LRRC9: variants seen among roughly 807,000 people sequenced by gnomAD.
LRRC9 encodes leucine rich repeat containing 9.
Under a neutral mutation model 63.2 loss-of-function variants are expected in LRRC9, and 122 were observed. The ratio of observed to expected loss-of-function variants is 1.93; its 90% CI spans 1.67 to 2.24. LRRC9 has a LOEUF of 2.24. LRRC9 is among the 30% of genes most tolerant of loss of function. LRRC9 has a pLI of 0.00. For missense variants in LRRC9, 1,071 were observed against 627.7 expected (o/e 1.71, Z -7.55); for synonymous variants, 366 against 213.1 (o/e 1.72, Z -6.25).
At chr14:60,016,018 C>G (rs1890652935) in intron 23 of LRRC9, among the ~76,000 whole-genome samples, 1 of 152,070 alleles carries the variant, frequency 6.6e-6, no homozygotes, top group Non-Finnish European at 1.5e-5. Flanking sequence ...AGAGAGCAGG[C>G]TTTTTGTGGA....
In LRRC9 at chr14:59,936,138, T is replaced by C. The variant is rs192174343; in HGVS notation, c.544-2252T>C. Among the ~76,000 whole-genome samples the C allele has an allele frequency of 2.0e-5, 3 of 152,312 alleles. No homozygotes were observed. In the East Asian group the frequency reaches 5.8e-4, roughly 29 times the overall value. ...CATAGTAAGGACTCAACAGATCCAT[T>C]GTTTTTATTATTTTATTACCATTAC... On this transcript the variant is annotated intron_variant, in intron 6 of 31. Transcript: ENST00000445360. The surrounding 1 kb of genome is among the most constrained non-coding windows in gnomAD (Gnocchi z 4.2).
chr14:59,978,080 A>G (rs1409951656), exon 15 of LRRC9: 2 of 702,234 alleles, frequency 2.8e-6, no homozygotes, highest in African/African-American at 3.5e-5. Flanking sequence ...TTTGTCTTTG[A>G]TCATGACCTT....
Position 60,034,015 on chromosome 14 carries a change from C to CTTT in LRRC9, c.3990+1973_3990+1975dup, listed in dbSNP as rs1157239003. Among the ~76,000 whole-genome samples, 105 of 116,018 alleles carry CTTT rather than the reference C, an allele frequency of 9.1e-4. 1 individual carries two copies. The highest frequency in any genetic ancestry group is 3.0e-3 in the African/African-American group (80 of 26,860). 76.1% of individuals were successfully genotyped at this position (116,018 alleles called of 152,430 possible). On this transcript the variant is annotated intron_variant, in intron 29 of 31. Coordinates refer to ENST00000445360, the Ensembl canonical transcript of LRRC9. ...GGCCTTTTTATGTAATTTTTTCTTTCTTTTTTTTTTTTTTTTTTTTTTTGA... is the reference window on the plus strand; with the variant it reads ...GGCCTTTTTATGTAATTTTTTCTTTCTTTTTTTTTTTTTTTTTTTTTTTTTTGA...
At position 60,060,346 on chromosome 14, in the gene LRRC9, T is replaced by C. The variant is rs1488013625; in HGVS notation, c.4276+2324T>C. Among the ~76,000 whole-genome samples the C allele has an allele frequency of 6.6e-6, 1 of 152,232 alleles. No homozygotes were observed. Among genetic ancestry groups the C allele is most frequent in the Non-Finnish European group, 1.5e-5 (1 of 68,028 alleles). On this transcript the variant is annotated intron_variant, in intron 31 of 31. Coordinates refer to ENST00000445360, the Ensembl canonical transcript of LRRC9. The surrounding 1 kb of genome is among the most constrained non-coding windows in gnomAD (Gnocchi z 4.0). ...TACAAGGAGATGAATGTTGTTTTCA[T>C]GCCTGCTAACACAACATCCATGCTG...
chr14:60,041,710 T>TTTA (rs1054586414), intron 29 of LRRC9, among the ~76,000 whole-genome samples: 25 of 152,308 alleles, frequency 1.6e-4, no homozygotes, highest in African/African-American at 5.3e-4. Context: ...CTCGGATAAG[T>TTTA]TTATTATTAC....
chr14:59,938,650 G>A lies in LRRC9; in HGVS notation c.726+78G>A, dbSNP rs1881309904. On this transcript the variant is annotated intron_variant, in intron 7 of 31. Transcript: ENST00000445360. The surrounding 1 kb of genome is among the most constrained non-coding windows in gnomAD (Gnocchi z 4.2). ...CTTCTTTCTGGCCATGTCCACATAC[G>A]GTAGGTAGGATTATCAGTTCAGTTC... is the stretch of plus-strand genomic sequence containing the variant. 4 of 575,832 alleles carry A rather than the reference G, an allele frequency of 6.9e-6. No individual in the cohort carries two copies. The highest frequency in any genetic ancestry group is 4.1e-4 in the Middle Eastern group (1 of 2,424). 35.7% of individuals were successfully genotyped at this position (575,832 alleles called of 1,614,324 possible). A position where few individuals can be genotyped will look rare whatever the true frequency, so the allele number is the denominator to read the frequency against.
intron 29 of LRRC9, among the ~76,000 whole-genome samples, chr14:60,039,729 AT>A (rs1286738389): frequency 3.3e-5 from 5 of 151,712 alleles, no homozygotes; most frequent in South Asian, 2.1e-4. Flanking sequence ...GGATTCATTG[AT>A]TTTTTTGAAG....
rs1375483670 is a variant in LRRC9 at position 60,060,975 on chromosome 14, C to A, written c.4277-2348C>A. 6.6e-6 allele frequency among the ~76,000 whole-genome samples: 1 copy of A among 151,984 alleles called. No individual in the cohort carries two copies. The highest frequency in any genetic ancestry group is 1.5e-5 in the Non-Finnish European group (1 of 68,002). On this transcript the variant is annotated intron_variant, in intron 31 of 31. Transcript: ENST00000445360. This position sits in a 1 kb window ranked among gnomAD's most constrained non-coding sequence, Gnocchi z 4.0. ...AACAGCAAGAGAACTAGAAGTGGAGCCTGAAGATGTGACTGAATTGCTGCA... is the reference window on the plus strand; with the variant it reads ...AACAGCAAGAGAACTAGAAGTGGAGACTGAAGATGTGACTGAATTGCTGCA...
At chr14:60,000,035 A>G (rs1889200303) in intron 19 of LRRC9, among the ~76,000 whole-genome samples, 2 of 152,142 alleles carry the variant, frequency 1.3e-5, no homozygotes, top group African/African-American at 4.8e-5. Flanking sequence ...AAATCACAGA[A>G]TCAACCTAGG....
intron 19 of LRRC9, among the ~76,000 whole-genome samples, chr14:60,001,365 G>C (rs1370740899): frequency 6.6e-6 from 1 of 152,086 alleles, no homozygotes; most frequent in Non-Finnish European, 1.5e-5. Context: ...TGACAGGAGA[G>C]TCATTAAGGG....
At position 60,022,018 on chromosome 14, in the gene LRRC9, T is replaced by G. The variant is rs77641325; in HGVS notation, c.3567-716T>G. On this transcript the variant is annotated intron_variant, in intron 26 of 31. Coordinates refer to ENST00000445360, the Ensembl canonical transcript of LRRC9. ...GGATAAGATGTTTATTCGCAGTGAG[T>G]GGGGGGGATGTCTTCTGGGCTTTTG... is the stretch of plus-strand genomic sequence containing the variant. 3.4e-3 allele frequency among the ~76,000 whole-genome samples: 514 copies of G among 151,780 alleles called. 18 individuals carry two copies. The East Asian group carries it at 0.058, about 17-fold the overall frequency.
chr14:60,031,899 G>T lies in LRRC9; in HGVS notation c.3922-96G>T, dbSNP rs1388626920. On this transcript the variant is annotated intron_variant, in intron 28 of 31. Coordinates refer to ENST00000445360, the Ensembl canonical transcript of LRRC9. This position sits in a 1 kb window ranked among gnomAD's most constrained non-coding sequence, Gnocchi z 4.6. Reference sequence around the variant, plus strand: ...CAGAGAATTCAATCATGAGCTAGCTGCAAACTAACACTTACATATAATTAC... The same window carrying T: ...CAGAGAATTCAATCATGAGCTAGCTTCAAACTAACACTTACATATAATTAC... 1.6e-6 allele frequency: 1 copy of T among 631,624 alleles called. No homozygotes were observed. The highest frequency in any genetic ancestry group is 2.8e-5 in the East Asian group (1 of 36,012). The allele number at this position is 631,624 out of a possible 1,614,324, so 39.1% of individuals were successfully genotyped here. A position where few individuals can be genotyped will look rare whatever the true frequency, so the allele number is the denominator to read the frequency against.
intron 8 of LRRC9, among the ~76,000 whole-genome samples, chr14:59,952,926 G>A (rs901441509): frequency 6.6e-6 from 1 of 152,138 alleles, no homozygotes; most frequent in Non-Finnish European, 1.5e-5. Context: ...TTCTGTTCCT[G>A]TGTTAGTTTG....
intron 7 of LRRC9, among the ~76,000 whole-genome samples, chr14:59,939,595 TCAGATTCTGGTAG>T (rs1305743880): frequency 6.6e-6 from 1 of 151,922 alleles, no homozygotes; most frequent in Non-Finnish European, 1.5e-5. Flanking sequence ...TGGTAAGAAG[TCAGATTCTGGTAG>T]CAGTTACAAG....
intron 29 of LRRC9, among the ~76,000 whole-genome samples, chr14:60,052,119 C>T (rs1028858509): frequency 2.6e-5 from 4 of 152,186 alleles, no homozygotes; most frequent in African/African-American, 9.7e-5. Context: ...TTCTAATCAG[C>T]CATCTTGGCC....
At chr14:59,939,018 T>TATATACATATACATATATACAC (rs1566790631) in intron 7 of LRRC9, among the ~76,000 whole-genome samples, 3 of 116,186 alleles carry the variant, frequency 2.6e-5, no homozygotes, top group Admixed American at 8.6e-5. Flanking sequence ...TATACACATA[T>TATATACATATACATATATACAC]ATATATACAT....
Position 59,927,354 on chromosome 14 carries a change from G to T in LRRC9, c.-33-557G>T, listed in dbSNP as rs1340827707. 6.6e-6 allele frequency among the ~76,000 whole-genome samples: 1 copy of T among 152,038 alleles called. No individual in the cohort carries two copies. Among genetic ancestry groups the T allele is most frequent in the Non-Finnish European group, 1.5e-5 (1 of 67,930 alleles). ...TTGGATTAAGTTTCATCCAACTGAA[G>T]TATTAGTTGGTTCATATTCTCTAGA... On this transcript the variant is annotated intron_variant, in intron 1 of 31. Transcript: ENST00000445360. This position sits in a 1 kb window ranked among gnomAD's most constrained non-coding sequence, Gnocchi z 4.4.
intron 12 of LRRC9, among the ~76,000 whole-genome samples, chr14:59,968,635 T>A (rs1885120943): frequency 6.6e-6 from 1 of 151,968 alleles, no homozygotes; most frequent in Admixed American, 6.6e-5. Flanking sequence ...TATGGAGAAG[T>A]AAGAAGGAGG....
rs1461214032 is a variant in LRRC9 at position 59,924,959 on chromosome 14, G to A, written c.-33-2952G>A. Among the ~76,000 whole-genome samples, 9 of 146,162 alleles carry A rather than the reference G, an allele frequency of 6.2e-5. No homozygotes were observed. In the South Asian group the frequency reaches 6.5e-4, roughly 11 times the overall value. ...CTGTATGCATTTTCTCCAGATTCCC[G>A]CATGGCTCACACTCACACTCCCTTA... On this transcript the variant is annotated intron_variant, in intron 1 of 31. Transcript: ENST00000445360.
Sources: allele counts gnomAD v4.1 joint callset (sites outside exome capture counted in the v4.1 genomes callset), GRCh38; gene constraint gnomAD v4.1.1; non-coding constraint Gnocchi (gnomAD v3.1); transcripts MANE v1.5; gene names NCBI Gene and HGNC (gene_info 2026-07-23, HGNC 2026-07-21).